Variants in TNFRSF18 observed in about 807,000 individuals in gnomAD.
The protein encoded by TNFRSF18 is tumor necrosis factor receptor superfamily member 18.
A neutral mutation model predicts 30.2 loss-of-function variants in TNFRSF18; 36 were observed. That is an observed-to-expected ratio of 1.19 (90% CI 0.91 to 1.58). TNFRSF18 has a LOEUF of 1.58. Ranked by LOEUF, TNFRSF18 falls within the 40% of genes most tolerant of loss-of-function variation. TNFRSF18 has a pLI of 0.00. For missense variants in TNFRSF18, 369 were observed against 345.4 expected (o/e 1.07, Z -0.54); for synonymous variants, 173 against 158.3 (o/e 1.09, Z -0.70).
chr1:1,204,040 G>T lies in TNFRSF18; in HGVS notation c.595C>A (p.Pro199Thr), dbSNP rs1217989115. The T allele has an allele frequency of 1.9e-6, 3 of 1,606,460 alleles. No homozygotes were observed. Among genetic ancestry groups the T allele is most frequent in the Non-Finnish European group, 2.5e-6 (3 of 1,177,502 alleles). The stretch of plus-strand genomic sequence containing the variant: ...GCACCAGGCTGTGACAGACCTCGGG[G>T]CCACATGCACTGACTCCTCAGCTGC... ...IWQLRSQCMWPRETQLLLEVP... is the reference protein window; with the variant it reads ...IWQLRSQCMWTRETQLLLEVP... Residue 199 changes from proline to threonine, a missense_variant, in exon 4 of 5, where the codon CCC becomes ACC. Pro to Thr is a conservative substitution (Grantham distance 38). Coordinates refer to ENST00000379268, the MANE Select transcript of TNFRSF18 (RefSeq NM_004195.3).
At chr1:1,205,554 C>A (rs1648780847) in intron 1 of TNFRSF18, 62 bp from the exon 2 acceptor site, 2 of 1,565,916 alleles carry the variant, frequency 1.3e-6, no homozygotes, top group Middle Eastern at 1.7e-4. Context: ...CCCCAGGCCT[C>A]CCCTCGGCCC....
Position 1,203,533 on chromosome 1 carries a change from TC to T in TNFRSF18, c.*310del. 1 of 1,432,568 alleles carries T rather than the reference TC, an allele frequency of 7.0e-7. No individual in the cohort carries two copies. The highest frequency in any genetic ancestry group is 2.7e-5 in the Admixed American group (1 of 36,392). 88.7% of individuals were successfully genotyped at this position (1,432,568 alleles called of 1,614,324 possible). A position where few individuals can be genotyped will look rare whatever the true frequency, so the allele number is the denominator to read the frequency against. ...TCACTGGACAAGTGTTTATTGAAGG[TC>T]CCCTGCAGCCGGGTCCCGTGCTGGG... On this transcript the variant is annotated 3_prime_UTR_variant, in exon 5 of 5. Transcript: ENST00000379268.
chr1:1,204,494 G>C lies in TNFRSF18; in HGVS notation c.311-8C>G. On this transcript the variant is annotated splice_region_variant and splice_polypyrimidine_tract_variant and intron_variant, in intron 2 of 4. Coordinates refer to ENST00000379268, the MANE Select transcript of TNFRSF18 (RefSeq NM_004195.3). ...AGCCAAAACTGAATTTCCCTGGTGT[G>C]GGGTGTGGGGGGAGGGAGGGAGGGA... is the stretch of plus-strand genomic sequence containing the variant. 1 of 1,598,230 alleles carries C rather than the reference G, an allele frequency of 6.3e-7. No individual in the cohort carries two copies. The highest frequency in any genetic ancestry group is 8.6e-7 in the Non-Finnish European group (1 of 1,166,948).
At position 1,205,389 on chromosome 1, in the gene TNFRSF18, G is replaced by T; in HGVS notation, c.291C>A (p.Gly97=). 1 of 1,612,338 alleles carries T rather than the reference G, an allele frequency of 6.2e-7. No homozygotes were observed. Among genetic ancestry groups the T allele is most frequent in the Non-Finnish European group, 8.5e-7 (1 of 1,179,760 alleles). ...ACTTACCCTGGGACTGTACCCCCTGGCCTGGGGGACAAGGGTGGTGCCGGC... is the reference window on the plus strand; with the variant it reads ...ACTTACCCTGGGACTGTACCCCCTGTCCTGGGGGACAAGGGTGGTGCCGGC... ...TTCRHHPCPP[G]QGVQSQGKFS... is the part of the protein sequence containing the mutation. Residue 97 remains glycine (G), a synonymous_variant, in exon 2 of 5, where the codon GGC becomes GGA. Coordinates refer to ENST00000379268, the MANE Select transcript of TNFRSF18 (RefSeq NM_004195.3).
At chr1:1,205,221 T>C in intron 2 of TNFRSF18, 149 bp downstream of exon 2, 2 of 1,214,664 alleles carry the variant, frequency 1.6e-6, no homozygotes, top group Non-Finnish European at 2.3e-6. Context: ...CTGTGGTGCC[T>C]GAGCATGGCC....
intron 2 of TNFRSF18, 65 bp from the exon 3 acceptor site, chr1:1,204,551 G>T: frequency 7.5e-7 from 1 of 1,341,318 alleles, no homozygotes; most frequent in South Asian, 1.2e-5. Context: ...GGATGAGGAG[G>T]GCGTCAGGCC....
chr1:1,206,086 C>G (rs1648810470), intron 1 of TNFRSF18, among the ~76,000 whole-genome samples: 1 of 152,206 alleles, frequency 6.6e-6, no homozygotes, highest in African/African-American at 2.4e-5. Context: ...GGGCTCACGA[C>G]CCGCCCAGCA....
chr1:1,203,617 C>G lies in TNFRSF18; in HGVS notation c.*227G>C. On this transcript the variant is annotated 3_prime_UTR_variant, in exon 5 of 5. Coordinates refer to ENST00000379268, the MANE Select transcript of TNFRSF18 (RefSeq NM_004195.3). ...TAAGACCCCACCCCATCAGGGCCAG[C>G]AAGGGAGGAAGGGGGCCATGACTGT... 1.3e-6 allele frequency: 2 copies of G among 1,531,094 alleles called. No individual in the cohort carries two copies. Among genetic ancestry groups the G allele is most frequent in the Non-Finnish European group, 8.7e-7 (1 of 1,147,730 alleles). The allele number at this position is 1,531,094 out of a possible 1,614,324, so 94.8% of individuals were successfully genotyped here.
In TNFRSF18 at chr1:1,203,980, C is replaced by A. The variant is rs1301209321; in HGVS notation, c.602-12G>T. On this transcript the variant is annotated splice_polypyrimidine_tract_variant and intron_variant, in intron 4 of 4. Coordinates refer to ENST00000379268, the MANE Select transcript of TNFRSF18 (RefSeq NM_004195.3). ...CAGCAGCTGGGTCTCTGCAGGGGGG[C>A]CACGGTCAGCAGGCAGCCATGCTCC... is the stretch of plus-strand genomic sequence containing the variant. The A allele has an allele frequency of 6.2e-7, 1 of 1,606,072 alleles. No individual in the cohort carries two copies. Among genetic ancestry groups the A allele is most frequent in the South Asian group, 1.1e-5 (1 of 90,812 alleles).
At chr1:1,204,333 G>A (rs1648702228) in intron 3 of TNFRSF18, 66 bp downstream of exon 3, 1 of 1,597,262 alleles carries the variant, frequency 6.3e-7, no homozygotes, top group Admixed American at 1.7e-5. Flanking sequence ...CAAGGGACAG[G>A]AGAGGACCCT....
Position 1,203,743 on chromosome 1 carries a change from G to GGAGCAGGGCCCGGCCCA in TNFRSF18, c.*84_*100dup. On this transcript the variant is annotated 3_prime_UTR_variant, in exon 5 of 5. Coordinates refer to ENST00000379268, the MANE Select transcript of TNFRSF18 (RefSeq NM_004195.3). ...TCCTGCACCCACTTCTGCTGCCAGG[G>GGAGCAGGGCCCGGCCCA]GAGCAGGGCCCGGCCCAGAGCAGAA... 1.9e-6 allele frequency: 3 copies of GGAGCAGGGCCCGGCCCA among 1,560,574 alleles called. No homozygotes were observed. Among genetic ancestry groups the GGAGCAGGGCCCGGCCCA allele is most frequent in the Non-Finnish European group, 1.7e-6 (2 of 1,158,722 alleles).
Position 1,204,122 on chromosome 1 carries a change from C to G in TNFRSF18, c.513G>C (p.Leu171=), listed in dbSNP as rs1285723524. Residue 171 remains leucine, a synonymous_variant, in exon 4 of 5, where the codon CTG becomes CTC. Transcript: ENST00000379268. ...GGAGGAGGACGCAGGCGGCCACGGC[C>G]AGGAGGACGACGGTCAGCCACCCAA... is the stretch of plus-strand genomic sequence containing the variant. ...EPLGWLTVVL[L]AVAACVLLLT... is the part of the protein sequence containing the mutation. 1 of 1,611,352 alleles carries G rather than the reference C, an allele frequency of 6.2e-7. No homozygotes were observed. Among genetic ancestry groups the G allele is most frequent in the Non-Finnish European group, 8.5e-7 (1 of 1,179,456 alleles).
chr1:1,204,262 A>G (rs745498266), intron 3 of TNFRSF18, 26 bp from the exon 4 acceptor site: 1 of 1,601,712 alleles, frequency 6.2e-7, no homozygotes, highest in Non-Finnish European at 8.5e-7. Context: ...GCGGCCTCCT[A>G]TCAGCCCCCG....
chr1:1,206,305 C>T (rs537072631), intron 1 of TNFRSF18, 80 bp downstream of exon 1: 84 of 1,483,826 alleles, frequency 5.7e-5, no homozygotes, highest in African/African-American at 1.1e-4. Flanking sequence ...GGTCTGAGCA[C>T]GGGAAGGGGG....
rs1365294115 is a variant in TNFRSF18 at position 1,205,483 on chromosome 1, C to T, written c.197G>A (p.Cys66Tyr). 2 of 1,611,842 alleles carry T rather than the reference C, an allele frequency of 1.2e-6. No individual in the cohort carries two copies. The highest frequency in any genetic ancestry group is 1.7e-6 in the Non-Finnish European group (2 of 1,179,362). Residue 66 changes from cysteine (C) to tyrosine (Y), a missense_variant, in exon 2 of 5, where the codon TGC becomes TAC. Physicochemically the swap from Cys to Tyr is radical, Grantham distance 194. Transcript: ENST00000379268. ...RCCRDYPGEE[C>Y]CSEWDCMCVQ... ...ACACATGCAGTCCCACTCGGAACAG[C>T]ACTCCTCGCCTGGGCAGGAGACAGG...
At chr1:1,205,148 C>G (rs375227899) in intron 2 of TNFRSF18, among the ~76,000 whole-genome samples, 1 of 152,178 alleles carries the variant, frequency 6.6e-6, no homozygotes, top group East Asian at 1.9e-4. Flanking sequence ...TCACAGCCCT[C>G]GTGCTGGATG....
intron 2 of TNFRSF18, 53 bp from the exon 3 acceptor site, chr1:1,204,539 A>G (rs1648719005): frequency 1.4e-6 from 2 of 1,444,476 alleles, no homozygotes; most frequent in African/African-American, 2.8e-5. Context: ...AGTTGCTGGG[A>G]TGGATGAGGA....
Position 1,203,819 on chromosome 1 carries a change from C to T in TNFRSF18, c.*25G>A, listed in dbSNP as rs759542587. The T allele has an allele frequency of 2.3e-5, 36 of 1,580,696 alleles. No individual in the cohort carries two copies. The highest frequency in any genetic ancestry group is 3.5e-5 in the Admixed American group (2 of 57,206). On this transcript the variant is annotated 3_prime_UTR_variant, in exon 5 of 5. Transcript: ENST00000379268. ...CTCCTGGGGAGGGGCTGGCTGCGGT[C>T]GGTGGCCCCGGAGGACGGCCAGGCT...
chr1:1,204,537 G>C, intron 2 of TNFRSF18, 51 bp from the exon 3 acceptor site: 1 of 1,443,270 alleles, frequency 6.9e-7, no homozygotes, highest in South Asian at 1.2e-5. Context: ...GGAGTTGCTG[G>C]GATGGATGAG....
Sources: gnomAD v4.1 joint callset for allele counts (sites outside exome capture counted in the v4.1 genomes callset) on GRCh38, gnomAD v4.1.1 for gene constraint, MANE v1.5 for transcripts, NCBI Gene and HGNC (gene_info 2026-07-23, HGNC 2026-07-21) for gene names.